Variants in ZNF69 observed in about 807,000 individuals in gnomAD.
ZNF69 encodes the protein ZNF3.
Under a neutral mutation model 50.9 loss-of-function variants are expected in ZNF69, and 47 were observed. That is an observed-to-expected ratio of 0.92 (90% CI 0.73 to 1.18). The LOEUF (loss-of-function observed/expected upper bound fraction) is 1.18. Among genes scored for constraint, ZNF69 ranks in the 50% most tolerant of loss-of-function variants. The probability of loss-of-function intolerance (pLI) is 0.00; values close to 1 mark genes in which losing one functional copy is unlikely to be tolerated. For synonymous variants in ZNF69, 216 were observed against 223.1 expected (o/e 0.97, Z 0.29); for missense variants, 717 against 675.1 (o/e 1.06, Z -0.69).
the ZNF69 span, among the ~76,000 whole-genome samples, chr19:11,965,953 T>G: frequency 6.6e-6 from 1 of 152,100 alleles, no homozygotes; most frequent in East Asian, 1.9e-4. Flanking sequence ...GTTGAGGGAT[T>G]CTGTAGGTGG....
the ZNF69 span, chr19:11,965,044 C>T: frequency 1.2e-6 from 1 of 809,246 alleles, no homozygotes; most frequent in Non-Finnish European, 2.0e-6. Flanking sequence ...GCATTCCTGT[C>T]CTCACCTTTG....
At chr19:11,903,077 T>C (rs981993953) in intron 1 of ZNF69, among the ~76,000 whole-genome samples, 1 of 152,038 alleles carries the variant, frequency 6.6e-6, no homozygotes, top group Admixed American at 6.5e-5. Context: ...TAAGAGGTTG[T>C]AGTGAGCCAC....
the ZNF69 span, among the ~76,000 whole-genome samples, chr19:11,967,218 C>T: frequency 6.6e-6 from 1 of 152,076 alleles, no homozygotes; most frequent in African/African-American, 2.4e-5. Flanking sequence ...TGCCTGTAGT[C>T]GCAGGTACTT....
chr19:11,955,211 G>A, the ZNF69 span, among the ~76,000 whole-genome samples: 2 of 151,258 alleles, frequency 1.3e-5, no homozygotes, highest in Non-Finnish European at 2.9e-5. Flanking sequence ...CACCATATTG[G>A]GTAAGCTGGT....
chr19:11,962,621 C>T, the ZNF69 span, among the ~76,000 whole-genome samples: 1 of 152,098 alleles, frequency 6.6e-6, no homozygotes, highest in African/African-American at 2.4e-5. Context: ...CCTCAGCCTC[C>T]CAAAGTGCTG....
Position 11,906,178 on chromosome 19 carries a change from T to C in ZNF69, c.*80T>C, listed in dbSNP as rs1171928300. 3.2e-6 allele frequency: 5 copies of C among 1,564,070 alleles called. No individual in the cohort carries two copies. In the East Asian group the frequency reaches 6.7e-5, roughly 21 times the overall value. ...CAAGAGAAACCATGAATGTAAAGAA[T>C]GTGGGAAACCCTTCAGGTCTGCCCA... On this transcript the variant is annotated 3_prime_UTR_variant, in exon 4 of 4. Transcript: ENST00000429654.
chr19:11,911,166 G>A (rs1157658509), downstream of ZNF69, among the ~76,000 whole-genome samples: 1 of 152,080 alleles, frequency 6.6e-6, no homozygotes, highest in East Asian at 1.9e-4. Flanking sequence ...TAAAAAGTCA[G>A]GAAACAACAG....
chr19:11,953,074 A>G, the ZNF69 span: 3 of 152,078 alleles, frequency 2.0e-5, no homozygotes, highest in African/African-American at 7.3e-5. Flanking sequence ...AGACTCCATC[A>G]CACACACACA....
At chr19:11,925,147 T>G in the ZNF69 span, 1 of 1,593,872 alleles carries the variant, frequency 6.3e-7, no homozygotes, top group Non-Finnish European at 8.6e-7. Flanking sequence ...TGGTAACCGG[T>G]CAGACCAGCC....
At chr19:11,957,122 C>T in the ZNF69 span, among the ~76,000 whole-genome samples, 3 of 147,246 alleles carry the variant, frequency 2.0e-5, no homozygotes, top group Non-Finnish European at 4.5e-5. Context: ...GATGGGGTCT[C>T]GCTCTGTCGC....
At chr19:11,947,176 T>C in the ZNF69 span, 1 of 1,613,560 alleles carries the variant, frequency 6.2e-7, no homozygotes, top group South Asian at 1.1e-5. Flanking sequence ...TGTGAGATGT[T>C]TCAGGACCCA....
At chr19:11,902,138 A>C (rs1302517529) in intron 1 of ZNF69, among the ~76,000 whole-genome samples, 3 of 151,688 alleles carry the variant, frequency 2.0e-5, no homozygotes, top group South Asian at 2.1e-4. Flanking sequence ...ATGTGCCGCC[A>C]TGCCCGGGTA....
the ZNF69 span, among the ~76,000 whole-genome samples, chr19:11,937,098 C>T: frequency 2.6e-5 from 4 of 152,122 alleles, no homozygotes; most frequent in African/African-American, 7.2e-5. Flanking sequence ...TCCAATTTAT[C>T]GATTTTCTCA....
chr19:11,978,188 A>C, the ZNF69 span: 1 of 1,614,082 alleles, frequency 6.2e-7, no homozygotes, highest in Non-Finnish European at 8.5e-7. Flanking sequence ...CCCAGGTTCC[A>C]GATGACAGGC....
At chr19:11,889,692 G>C (rs989043433) in intron 1 of ZNF69, among the ~76,000 whole-genome samples, 6 of 152,192 alleles carry the variant, frequency 3.9e-5, no homozygotes, top group African/African-American at 1.4e-4. Context: ...AAAGAAATAA[G>C]ACACAGAGAC....
intron 1 of ZNF69, among the ~76,000 whole-genome samples, chr19:11,894,240 G>A (rs1011776080): frequency 1.3e-5 from 2 of 152,078 alleles, no homozygotes; most frequent in Non-Finnish European, 2.9e-5. Flanking sequence ...CACGACCTCG[G>A]CTCACTGCAA....
At chr19:11,980,127 C>T in the ZNF69 span, 2 of 838,586 alleles carry the variant, frequency 2.4e-6, no homozygotes, top group South Asian at 1.4e-5. Context: ...CATGGTAGGA[C>T]TCACACTGGA....
chr19:11,930,783 C>T, the ZNF69 span, among the ~76,000 whole-genome samples: 1 of 147,976 alleles, frequency 6.8e-6, no homozygotes, highest in Non-Finnish European at 1.5e-5. Flanking sequence ...GGCATATCAC[C>T]TGAGGTCAGG....
the ZNF69 span, among the ~76,000 whole-genome samples, chr19:11,971,720 A>G: frequency 1.3e-5 from 2 of 152,140 alleles, no homozygotes; most frequent in East Asian, 1.9e-4. Context: ...CATAATAATC[A>G]TTTTATATCC....
Sources: gnomAD v4.1 joint callset for allele counts (sites outside exome capture counted in the v4.1 genomes callset) on GRCh38, gnomAD v4.1.1 for gene constraint, MANE v1.5 for transcripts, NCBI Gene and HGNC (gene_info 2026-07-23, HGNC 2026-07-21) for gene names.